The following RPS6KA2 variants were observed in gnomAD, a reference collection of about 807,000 sequenced individuals.
RPS6KA2 encodes the protein ribosomal protein S6 kinase A2.
RPS6KA2 carries 42 observed loss-of-function variants against 91.8 expected under a neutral mutation model. The ratio of observed to expected loss-of-function variants is 0.46; its 90% confidence interval spans 0.36 to 0.59. The LOEUF (loss-of-function observed/expected upper bound fraction) is 0.59, where lower values mean the gene tolerates loss of function less well. RPS6KA2 is among the 20% of genes least tolerant of loss of function. The probability of loss-of-function intolerance (pLI) is 0.00; values close to 1 mark genes in which losing one functional copy is unlikely to be tolerated. For synonymous variants in RPS6KA2, 414 were observed against 393.6 expected (o/e 1.05, Z -0.61); for missense variants, 798 against 978.5 (o/e 0.82, Z 2.46).
intron 2 of RPS6KA2, among the ~76,000 whole-genome samples, chr6:166,675,494 C>T (rs1248509783): frequency 6.6e-6 from 1 of 152,152 alleles, no homozygotes; most frequent in Admixed American, 6.5e-5. Flanking sequence ...GCTGTGACAC[C>T]CGGCAAGGCC....
At chr6:166,449,860 T>TGGGACAACCACGAGGACCACCAC (rs1779810102) in intron 13 of RPS6KA2, among the ~76,000 whole-genome samples, 1 of 124,548 alleles carries the variant, frequency 8.0e-6, no homozygotes, top group African/African-American at 2.9e-5. Context: ...AGGACCACCA[T>TGGGACAACCACGAGGACCACCAC]GGGAACCACC....
At chr6:166,581,600 G>A (rs1785010853) in intron 1 of RPS6KA2, among the ~76,000 whole-genome samples, 1 of 152,042 alleles carries the variant, frequency 6.6e-6, no homozygotes, top group Non-Finnish European at 1.5e-5. Flanking sequence ...TGGGTATTTC[G>A]CTGTGTCCAT....
chr6:166,624,127 A>G (rs1786744829), intron 1 of RPS6KA2, among the ~76,000 whole-genome samples: 1 of 152,250 alleles, frequency 6.6e-6, no homozygotes, highest in African/African-American at 2.4e-5. Context: ...GTATGAAAAC[A>G]TTAGGACTGA....
chr6:166,632,985 T>C (rs1787129954), intron 2 of RPS6KA2, among the ~76,000 whole-genome samples: 1 of 152,198 alleles, frequency 6.6e-6, no homozygotes, highest in Non-Finnish European at 1.5e-5. Flanking sequence ...GAGGCCGAGA[T>C]GGGCAGATCA....
intron 2 of RPS6KA2, among the ~76,000 whole-genome samples, chr6:166,644,734 T>A (rs917168054): frequency 3.3e-5 from 5 of 152,240 alleles, no homozygotes; most frequent in Admixed American, 3.3e-4. Flanking sequence ...AAAAGCCACC[T>A]TGAAGTCCTA....
chr6:166,566,706 C>T (rs1437491765), intron 1 of RPS6KA2, among the ~76,000 whole-genome samples: 1 of 152,238 alleles, frequency 6.6e-6, no homozygotes, highest in African/African-American at 2.4e-5. Flanking sequence ...ATTCTGTCCA[C>T]TCCTGGCCCT....
At chr6:166,642,469 A>G (rs1181390142) in intron 2 of RPS6KA2, among the ~76,000 whole-genome samples, 1 of 152,244 alleles carries the variant, frequency 6.6e-6, no homozygotes, top group Non-Finnish European at 1.5e-5. Flanking sequence ...GTTGGAATTG[A>G]TGTCTTAAAT....
intron 2 of RPS6KA2, among the ~76,000 whole-genome samples, chr6:166,789,933 G>A (rs1376147784): frequency 2.0e-5 from 3 of 152,196 alleles, no homozygotes; most frequent in Admixed American, 2.0e-4. Flanking sequence ...CAGAAAACTG[G>A]AAACTCTAAA....
At chr6:166,850,087 T>C (rs2128632011) in intron 2 of RPS6KA2, among the ~76,000 whole-genome samples, 1 of 152,344 alleles carries the variant, frequency 6.6e-6, no homozygotes, top group South Asian at 2.1e-4. Context: ...GTTTGGGTTC[T>C]ACATCCTGGA....
intron 3 of RPS6KA2, among the ~76,000 whole-genome samples, chr6:166,523,176 C>T (rs539392462): frequency 6.6e-6 from 1 of 152,054 alleles, no homozygotes. Flanking sequence ...AAATCAGATG[C>T]CTGTTAGGTA....
intron 1 of RPS6KA2, among the ~76,000 whole-genome samples, chr6:166,575,170 T>C (rs1784801714): frequency 6.6e-6 from 1 of 152,174 alleles, no homozygotes; most frequent in Admixed American, 6.6e-5. Context: ...CCATACAACT[T>C]CTCAGAGCAC....
rs564685411 is a variant in RPS6KA2, at chr6:166,743,800, A to G, written c.123+114400T>C. Among the ~76,000 whole-genome samples the G allele has an allele frequency of 1.9e-3, 280 of 150,498 alleles. 1 individual carries two copies. The highest frequency in any genetic ancestry group is 6.5e-3 in the African/African-American group (267 of 41,082). ...GGGCTTTGGCTGGTGGTCAGTGCAC[A>G]GCAGACAGGGCTTTGGCTGGTGGTC... On this transcript the variant is annotated intron_variant, in intron 2 of 21. Transcript: ENST00000503859.
intron 16 of RPS6KA2, 70 bp downstream of exon 16, chr6:166,430,383 A>G: frequency 7.1e-7 from 1 of 1,402,960 alleles, no homozygotes; most frequent in Non-Finnish European, 9.8e-7. Context: ...GAACCCATAA[A>G]CCCTTGTGGT....
intron 2 of RPS6KA2, among the ~76,000 whole-genome samples, chr6:166,675,774 G>A (rs1312417208): frequency 2.0e-5 from 3 of 152,116 alleles, no homozygotes; most frequent in Non-Finnish European, 4.4e-5. Flanking sequence ...TTTTAAATCG[G>A]GAGGAATGCT....
In RPS6KA2 at chr6:166,662,284, T is replaced by A. The variant is rs1042794391; in HGVS notation, c.124-123500A>T. ...GGATATTGCCATTGTAAGATTTGGC[T>A]GCTATTACGGGGTGACAGTCTTTTC... On this transcript the variant is annotated intron_variant, in intron 2 of 21. Transcript: ENST00000503859. The surrounding 1 kb of genome is among the most constrained non-coding windows in gnomAD (Gnocchi z 4.3). 6.6e-6 allele frequency among the ~76,000 whole-genome samples: 1 copy of A among 152,234 alleles called. No individual in the cohort carries two copies. The highest frequency in any genetic ancestry group is 2.4e-5 in the African/African-American group (1 of 41,450).
Position 166,648,040 on chromosome 6 carries a change from TCA to T in RPS6KA2, c.124-109258_124-109257del, listed in dbSNP as rs993284621. 2.6e-5 allele frequency among the ~76,000 whole-genome samples: 3 copies of T among 114,930 alleles called. No individual in the cohort carries two copies. Among genetic ancestry groups the T allele is most frequent in the Non-Finnish European group, 5.3e-5 (3 of 56,762 alleles). The allele number at this position is 114,930 out of a possible 152,430, so 75.4% of individuals were successfully genotyped here. ...TACACACATACATACACACATGCTC[TCA>T]CACACATGCACATGCTCACACACAT... is the stretch of plus-strand genomic sequence containing the variant. On this transcript the variant is annotated intron_variant, in intron 2 of 21. Coordinates refer to the RPS6KA2 transcript ENST00000503859. The surrounding 1 kb of genome is among the most constrained non-coding windows in gnomAD (Gnocchi z 4.8).
chr6:166,468,954 A>C (rs1562515654), intron 11 of RPS6KA2, among the ~76,000 whole-genome samples: 1 of 152,180 alleles, frequency 6.6e-6, no homozygotes, highest in Non-Finnish European at 1.5e-5. Context: ...GTTCCATTAA[A>C]ATCTTTTGAG....
chr6:166,702,259 C>G (rs1789546371), intron 2 of RPS6KA2: 2 of 1,613,258 alleles, frequency 1.2e-6, no homozygotes, highest in African/African-American at 1.3e-5. Context: ...ATGGTTTCTG[C>G]TTGGACACGG....
rs1316662081 is a variant in RPS6KA2 at position 166,493,206 on chromosome 6, T to C, written c.748-2465A>G. On this transcript the variant is annotated intron_variant, in intron 8 of 20. Coordinates refer to ENST00000265678, the MANE Select transcript of RPS6KA2 (RefSeq NM_021135.6). This position sits in a 1 kb window ranked among gnomAD's most constrained non-coding sequence, Gnocchi z 4.7. ...CCATGAATATTCAACAACTGCTTCT[T>C]GGTGATGAAGGTGCTGCTGACGGTG... Among the ~76,000 whole-genome samples, 1 of 152,112 alleles carries C rather than the reference T, an allele frequency of 6.6e-6. No individual in the cohort carries two copies. The highest frequency in any genetic ancestry group is 2.4e-5 in the African/African-American group (1 of 41,428).
Sources: gnomAD v4.1 joint callset for allele counts (sites outside exome capture counted in the v4.1 genomes callset) on GRCh38, gnomAD v4.1.1 for gene constraint, Gnocchi (gnomAD v3.1) non-coding constraint, MANE v1.5 for transcripts, NCBI Gene and HGNC (gene_info 2026-07-23, HGNC 2026-07-21) for gene names.